Variants in ZYG11B observed in about 807,000 individuals in gnomAD.
The protein encoded by ZYG11B is zyg-11 family member B, cell cycle regulator.
A neutral mutation model predicts 82.4 loss-of-function variants in ZYG11B; 36 were observed. That is an observed-to-expected ratio of 0.44 (90% confidence interval 0.33 to 0.58). ZYG11B has a LOEUF of 0.58. Among genes scored for constraint, ZYG11B ranks in the 20% least tolerant of loss-of-function variants. The pLI, the probability that ZYG11B is intolerant of heterozygous loss-of-function variation, is 0.02. For missense variants in ZYG11B, 552 were observed against 895.6 expected, an observed-to-expected ratio of 0.62 and a Z score of 4.90; for synonymous variants, 303 against 312.8, an observed-to-expected ratio of 0.97 and a Z score of 0.33.
At chr1:52,732,345 A>G (rs1644339737) in intron 1 of ZYG11B, among the ~76,000 whole-genome samples, 1 of 152,166 alleles carries the variant, frequency 6.6e-6, no homozygotes, top group African/African-American at 2.4e-5. Flanking sequence ...ATCTTACTAA[A>G]TTTCCTTCTT....
In ZYG11B at chr1:52,776,229, A is replaced by AAAAAAAAAT; in HGVS notation, c.952-3623_952-3622insAAAAAAATA. Among the ~76,000 whole-genome samples, 14 of 23,544 alleles carry AAAAAAAAAT rather than the reference A, an allele frequency of 5.9e-4. 1 individual carries two copies. Among genetic ancestry groups the AAAAAAAAAT allele is most frequent in the African/African-American group, 1.2e-3 (13 of 10,554 alleles). The allele number at this position is 23,544 out of a possible 152,430, so 15.4% of individuals were successfully genotyped here. ...AGCAAAACTCTGTCTTAAAAAAAAA[A>AAAAAAAAAT]ATATATATATATATATGCAATAAAG... On this transcript the variant is annotated intron_variant, in intron 3 of 13. Coordinates refer to ENST00000294353, the MANE Select transcript of ZYG11B (RefSeq NM_024646.3).
chr1:52,745,784 G>A lies in ZYG11B; in HGVS notation c.31-10674G>A, dbSNP rs531246218. Among the ~76,000 whole-genome samples, 11 of 151,754 alleles carry A rather than the reference G, an allele frequency of 7.2e-5. No individual in the cohort carries two copies. The South Asian group carries it at 2.1e-3, about 29-fold the overall frequency. ...TCACCATGTTGGCCAGGCTGGTCTT[G>A]AACTCCCGACCTCAAGCAATCCACC... On this transcript the variant is annotated intron_variant, in intron 1 of 13. Coordinates refer to ENST00000294353, the MANE Select transcript of ZYG11B (RefSeq NM_024646.3).
chr1:52,746,697 T>TTTTGTTTTG (rs1644480101), intron 1 of ZYG11B, among the ~76,000 whole-genome samples: 2 of 130,294 alleles, frequency 1.5e-5, no homozygotes, highest in Non-Finnish European at 3.3e-5. Context: ...GTTTTTTTTT[T>TTTTGTTTTG]TTTTTTTTTT....
chr1:52,740,046 T>C (rs1291451158), intron 1 of ZYG11B, among the ~76,000 whole-genome samples: 1 of 152,218 alleles, frequency 6.6e-6, no homozygotes, highest in African/African-American at 2.4e-5. Context: ...AGCTAGTAAG[T>C]AGCAGAGCCA....
chr1:52,796,208 T>G, intron 6 of ZYG11B, 84 bp from the exon 7 acceptor site: 1 of 955,924 alleles, frequency 1.0e-6, no homozygotes, highest in Non-Finnish European at 1.7e-6. Flanking sequence ...TATATTTAAG[T>G]TGTAGCATCA....
chr1:52,730,760 A>G (rs1278523895), intron 1 of ZYG11B, among the ~76,000 whole-genome samples: 2 of 151,856 alleles, frequency 1.3e-5, no homozygotes, highest in Non-Finnish European at 2.9e-5. Context: ...TGGGAGGCTC[A>G]CTTGAGCCCA....
intron 1 of ZYG11B, among the ~76,000 whole-genome samples, chr1:52,734,431 G>T (rs1412617619): frequency 8.2e-6 from 1 of 122,560 alleles, no homozygotes; most frequent in African/African-American, 3.0e-5. Context: ...ATTAACAATG[G>T]AATAAAAGGT....
At chr1:52,793,098 C>A (rs1644973267) in intron 6 of ZYG11B, among the ~76,000 whole-genome samples, 1 of 151,894 alleles carries the variant, frequency 6.6e-6, no homozygotes, top group Non-Finnish European at 1.5e-5. Context: ...CCTTGGCCTC[C>A]CAAAGTGCTG....
In ZYG11B at chr1:52,771,636, G is replaced by A; in HGVS notation, c.813G>A (p.Leu271=). The A allele has an allele frequency of 1.2e-6, 2 of 1,614,144 alleles. No individual in the cohort carries two copies. Among genetic ancestry groups the A allele is most frequent in the Non-Finnish European group, 1.7e-6 (2 of 1,180,034 alleles). Residue 271 remains leucine, a synonymous_variant, in exon 3 of 14, where the codon CTG becomes CTA. Transcript: ENST00000294353. The surrounding 1 kb of genome is among the most constrained non-coding windows in gnomAD (Gnocchi z 5.4). ...QKDILPNLVS[L]DVSGRKHVTD... ...ACATCCTACCTAACCTTGTTTCTCT[G>A]GATGTTTCTGGGAGAAAGCACGTGA...
chr1:52,761,602 A>G (rs1341986608), intron 2 of ZYG11B, among the ~76,000 whole-genome samples: 1 of 152,220 alleles, frequency 6.6e-6, no homozygotes, highest in Non-Finnish European at 1.5e-5. Flanking sequence ...GGACACATAG[A>G]TTGATTCTGC....
chr1:52,739,907 T>C (rs1267575753), intron 1 of ZYG11B, among the ~76,000 whole-genome samples: 5 of 152,168 alleles, frequency 3.3e-5, no homozygotes, highest in African/African-American at 9.6e-5. Context: ...TCCTGGCCCT[T>C]GTTTTAAAGG....
chr1:52,797,479 A>G (rs1179129116), intron 8 of ZYG11B, among the ~76,000 whole-genome samples: 1 of 108,692 alleles, frequency 9.2e-6, no homozygotes, highest in Non-Finnish European at 1.7e-5. Context: ...ATTATATATG[A>G]TATATAATAT....
chr1:52,776,944 T>C (rs768311418), intron 3 of ZYG11B, among the ~76,000 whole-genome samples: 1 of 152,138 alleles, frequency 6.6e-6, no homozygotes, highest in Non-Finnish European at 1.5e-5. Context: ...AAGTGGTGGC[T>C]CATGCCTGTA....
intron 1 of ZYG11B, among the ~76,000 whole-genome samples, chr1:52,735,036 C>CTT (rs781624927): frequency 1.4e-5 from 2 of 138,972 alleles, no homozygotes; most frequent in Non-Finnish European, 1.6e-5. Flanking sequence ...GTCCAAATCA[C>CTT]TTTTTTTTTT....
chr1:52,799,351 G>T (rs141817086), intron 8 of ZYG11B, among the ~76,000 whole-genome samples: 1 of 151,852 alleles, frequency 6.6e-6, no homozygotes, highest in Non-Finnish European at 1.5e-5. Flanking sequence ...GCCAGGTGTG[G>T]TGGCAGGCGC....
At chr1:52,779,496 A>G (rs1330650001) in intron 3 of ZYG11B, among the ~76,000 whole-genome samples, 4 of 152,012 alleles carry the variant, frequency 2.6e-5, no homozygotes, top group Non-Finnish European at 5.9e-5. Flanking sequence ...AATGATATTT[A>G]TTTATTTATT....
chr1:52,772,289 G>T, intron 3 of ZYG11B: 1 of 1,348,268 alleles, frequency 7.4e-7, no homozygotes, highest in Non-Finnish European at 1.1e-6. Context: ...CGGTGAATCT[G>T]GCTCTCTATC....
At chr1:52,734,502 T>C (rs961353834) in intron 1 of ZYG11B, among the ~76,000 whole-genome samples, 5 of 151,032 alleles carry the variant, frequency 3.3e-5, no homozygotes, top group Non-Finnish European at 5.9e-5. Context: ...AATAAAAAAT[T>C]AGCTGGGTGT....
intron 3 of ZYG11B, among the ~76,000 whole-genome samples, chr1:52,778,207 A>T (rs796346680): frequency 8.5e-5 from 13 of 152,292 alleles, no homozygotes; most frequent in African/African-American, 3.1e-4. Context: ...GTTTCTCCTC[A>T]TCCCTTTCTT....
Sources: allele counts gnomAD v4.1 joint callset (sites outside exome capture counted in the v4.1 genomes callset), GRCh38; gene constraint gnomAD v4.1.1; non-coding constraint Gnocchi (gnomAD v3.1); transcripts MANE v1.5; gene names NCBI Gene and HGNC (gene_info 2026-07-23, HGNC 2026-07-21).